The following MTUS1 variants were observed in gnomAD, a reference collection of about 807,000 sequenced individuals.
The protein encoded by MTUS1 is microtubule associated scaffold protein 1.
MTUS1 carries 109 observed loss-of-function variants against 120.8 expected under a neutral mutation model. That is an observed-to-expected ratio of 0.90 (90% CI 0.77 to 1.06). The LOEUF (loss-of-function observed/expected upper bound fraction) is 1.06. Ranked by LOEUF, MTUS1 falls within the 50% of genes least tolerant of loss-of-function variation. The pLI is 0.00. For synonymous variants in MTUS1, 737 were observed against 550.5 expected, an observed-to-expected ratio of 1.34 and a Z score of -4.74; for missense variants, 2,210 against 1,486.3, an observed-to-expected ratio of 1.49 and a Z score of -8.01.
chr8:17,686,172 T>C (rs1414226155), intron 6 of MTUS1, among the ~76,000 whole-genome samples: 2 of 152,242 alleles, frequency 1.3e-5, no homozygotes, highest in Non-Finnish European at 2.9e-5. Flanking sequence ...CAGGTGTGAA[T>C]GTCTTCCCTG....
chr8:17,773,921 C>T (rs748155241), intron 1 of MTUS1, among the ~76,000 whole-genome samples: 41 of 152,222 alleles, frequency 2.7e-4, no homozygotes, highest in Middle Eastern at 6.8e-3. Flanking sequence ...GGGCCCACAG[C>T]ACACTATATA....
chr8:17,751,847 A>G (rs1381695047), intron 2 of MTUS1, among the ~76,000 whole-genome samples: 6 of 148,774 alleles, frequency 4.0e-5, no homozygotes, highest in Admixed American at 1.3e-4. Context: ...AAAGAGCAAG[A>G]ACAAGACTCT....
At chr8:17,763,410 G>C (rs1467357224) in intron 1 of MTUS1, among the ~76,000 whole-genome samples, 2 of 152,196 alleles carry the variant, frequency 1.3e-5, no homozygotes, top group African/African-American at 4.8e-5. Context: ...GAAATGCAGA[G>C]AATGTTGTTT....
intron 1 of MTUS1, among the ~76,000 whole-genome samples, chr8:17,792,414 G>C (rs1261749148): frequency 1.3e-5 from 2 of 152,170 alleles, no homozygotes; most frequent in Non-Finnish European, 2.9e-5. Flanking sequence ...CAACAAAATA[G>C]TCTTATCTGC....
chr8:17,653,541 G>C (rs755510512), intron 10 of MTUS1, 43 bp from the exon 11 acceptor site: 7 of 1,385,034 alleles, frequency 5.1e-6, no homozygotes. Context: ...AACATTCTAT[G>C]AGATCAATGT....
At chr8:17,706,586 CG>C (rs1820211082) in intron 6 of MTUS1, among the ~76,000 whole-genome samples, 1 of 152,006 alleles carries the variant, frequency 6.6e-6, no homozygotes, top group African/African-American at 2.4e-5. Context: ...ATGTCAACCA[CG>C]GTATAAAATG....
In MTUS1 at chr8:17,754,075, T is replaced by C. The variant is rs1214689012; in HGVS notation, c.1733A>G (p.Gln578Arg). The change falls in exon 2 of 15, where the codon CAG (glutamine) becomes CGG (arginine). Residue 578 changes from glutamine (Q) to arginine (R), a missense_variant. Coordinates refer to ENST00000693296, the MANE Select transcript of MTUS1 (RefSeq NM_001363059.2). ...CTGGCTAGTAATGAGTTTATTAAAC[T>C]GCTGCTTATGTGTCTTGTTAATTAG... ...EILINKTHKQ[Q>R]FNKLITSQAV... The C allele has an allele frequency of 1.2e-6, 2 of 1,614,056 alleles. No homozygotes were observed. Among genetic ancestry groups the C allele is most frequent in the African/African-American group, 1.3e-5 (1 of 74,926 alleles).
chr8:17,719,707 T>C (rs536710327), intron 4 of MTUS1, among the ~76,000 whole-genome samples: 6 of 152,166 alleles, frequency 3.9e-5, no homozygotes, highest in Non-Finnish European at 5.9e-5. Context: ...TACAGGCGAA[T>C]TCTTATCCAC....
intron 1 of MTUS1, among the ~76,000 whole-genome samples, chr8:17,774,712 A>G (rs1016644799): frequency 1.3e-5 from 2 of 152,180 alleles, no homozygotes; most frequent in Admixed American, 6.6e-5. Context: ...TAGAATTGCC[A>G]TATGATCAAG....
At chr8:17,770,007 A>G (rs1266615475) in intron 1 of MTUS1, among the ~76,000 whole-genome samples, 1 of 152,078 alleles carries the variant, frequency 6.6e-6, no homozygotes, top group African/African-American at 2.4e-5. Context: ...GACACTTCAG[A>G]TGACATATAA....
chr8:17,783,946 T>A (rs568589945), intron 1 of MTUS1, among the ~76,000 whole-genome samples: 2 of 152,124 alleles, frequency 1.3e-5, no homozygotes, highest in Non-Finnish European at 2.9e-5. Flanking sequence ...CAGAGATGAA[T>A]GCAATGAAGA....
intron 8 of MTUS1, chr8:17,674,737 T>G (rs571764573): frequency 2.0e-6 from 2 of 993,288 alleles, no homozygotes; most frequent in South Asian, 4.6e-5. Flanking sequence ...TTCAGCCAAG[T>G]TGCCTTCATG....
chr8:17,720,485 CCTT>C (rs1563264001), intron 4 of MTUS1, among the ~76,000 whole-genome samples: 1 of 152,174 alleles, frequency 6.6e-6, no homozygotes, highest in African/African-American at 2.4e-5. Context: ...TATTCAGTCT[CCTT>C]CTGTTCCTTC....
chr8:17,715,727 C>A, intron 5 of MTUS1, 40 bp downstream of exon 5: 1 of 1,561,108 alleles, frequency 6.4e-7, no homozygotes, highest in Non-Finnish European at 8.6e-7. Flanking sequence ...GGACTTTAAG[C>A]GTCTTGCCCT....
At chr8:17,674,219 A>T (rs575256667) in intron 8 of MTUS1, among the ~76,000 whole-genome samples, 17 of 152,222 alleles carry the variant, frequency 1.1e-4, no homozygotes, top group African/African-American at 3.6e-4. Context: ...CAAGAGATGG[A>T]GACCCTCCTG....
chr8:17,786,965 G>C (rs538836848), intron 1 of MTUS1, among the ~76,000 whole-genome samples: 15 of 152,226 alleles, frequency 9.9e-5, no homozygotes, highest in African/African-American at 3.6e-4. Flanking sequence ...AATAAAAGTT[G>C]AATTTTTAAA....
At chr8:17,675,121 C>A (rs369342401) in intron 8 of MTUS1, 65 bp downstream of exon 8, 26 of 1,606,338 alleles carry the variant, frequency 1.6e-5, no homozygotes, top group Non-Finnish European at 2.2e-5. Flanking sequence ...GCAGACAGGA[C>A]AACCACATTT....
chr8:17,736,532 C>T (rs1051768478), intron 3 of MTUS1, among the ~76,000 whole-genome samples: 1 of 152,144 alleles, frequency 6.6e-6, no homozygotes, highest in African/African-American at 2.4e-5. Context: ...CTTTCTTGAC[C>T]AACCGTTTAA....
intron 8 of MTUS1, among the ~76,000 whole-genome samples, chr8:17,668,279 G>C (rs1006573884): frequency 1.3e-5 from 2 of 152,178 alleles, no homozygotes; most frequent in African/African-American, 4.8e-5. Flanking sequence ...TGTGGCACTA[G>C]ACAATTCTTC....
Sources: allele counts gnomAD v4.1 joint callset (sites outside exome capture counted in the v4.1 genomes callset), GRCh38; gene constraint gnomAD v4.1.1; transcripts MANE v1.5; gene names NCBI Gene and HGNC (gene_info 2026-07-23, HGNC 2026-07-21).